The following MAGI2 variants were observed in gnomAD, a reference collection of about 807,000 sequenced individuals.
MAGI2 encodes membrane associated guanylate kinase, WW and PDZ domain containing 2, also known as membrane-associated guanylate kinase, WW and PDZ domain-containing protein 2.
A neutral mutation model predicts 133.3 loss-of-function variants in MAGI2; 35 were observed. The ratio of observed to expected loss-of-function variants is 0.26; its 90% CI spans 0.20 to 0.35. The LOEUF is 0.35. Ranked by LOEUF, MAGI2 falls within the 10% of genes least tolerant of loss-of-function variation. The pLI, the probability that MAGI2 is intolerant of heterozygous loss-of-function variation, is 1.00. For synonymous variants in MAGI2, 729 were observed against 710.6 expected (o/e 1.03, Z -0.41); for missense variants, 1,636 against 1,863.4 (o/e 0.88, Z 2.25).
At chr7:79,452,878 A>C in intron 1 of MAGI2, 142 bp downstream of exon 1, 3 of 854,774 alleles carry the variant, frequency 3.5e-6, no homozygotes, top group Admixed American at 3.0e-5. Flanking sequence ...GGCGAAACTC[A>C]CTTGCACTGC....
At position 79,375,199 on chromosome 7, in the gene MAGI2, T is replaced by C. The variant is rs112036240; in HGVS notation, c.301+77821A>G. Among the ~76,000 whole-genome samples, 690 of 152,140 alleles carry C rather than the reference T, an allele frequency of 4.5e-3. 3 individuals are homozygous for C. The highest frequency in any genetic ancestry group is 0.015 in the African/African-American group (638 of 41,562). Reference sequence around the variant, plus strand: ...TAATATTTCAGGAAAGCCAAATAAATACCGATTGAGTATAATTTCATTCTG... The same window carrying C: ...TAATATTTCAGGAAAGCCAAATAAACACCGATTGAGTATAATTTCATTCTG... On this transcript the variant is annotated intron_variant, in intron 1 of 21. Transcript: ENST00000354212.
At chr7:79,191,529 T>C (rs1351215114) in intron 1 of MAGI2, among the ~76,000 whole-genome samples, 1 of 147,168 alleles carries the variant, frequency 6.8e-6, no homozygotes, top group African/African-American at 2.5e-5. Flanking sequence ...GTGATCCTCC[T>C]GCCTCAGCCT....
intron 21 of MAGI2, among the ~76,000 whole-genome samples, chr7:78,048,327 T>TC (rs1305764655): frequency 3.9e-5 from 6 of 152,180 alleles, no homozygotes; most frequent in Non-Finnish European, 8.8e-5. Flanking sequence ...AAACAGTGAC[T>TC]CCCCTAGTAC....
chr7:78,428,366 C>A (rs140337000), intron 6 of MAGI2, among the ~76,000 whole-genome samples: 1 of 152,156 alleles, frequency 6.6e-6, no homozygotes, highest in East Asian at 1.9e-4. Flanking sequence ...TTGTTAAATG[C>A]AAATGTTTAT....
intron 1 of MAGI2, among the ~76,000 whole-genome samples, chr7:79,135,993 A>G (rs1313483631): frequency 4.0e-5 from 2 of 49,596 alleles, no homozygotes; most frequent in Non-Finnish European, 5.6e-5. Context: ...GAAAGAAAGA[A>G]AGAAAGAAAG....
At chr7:78,809,595 T>C (rs1788868417) in intron 2 of MAGI2, among the ~76,000 whole-genome samples, 1 of 152,262 alleles carries the variant, frequency 6.6e-6, no homozygotes, top group African/African-American at 2.4e-5. Context: ...CAGCTTTATC[T>C]GTAATGAAGG....
intron 2 of MAGI2, among the ~76,000 whole-genome samples, chr7:78,638,400 C>T (rs1809905659): frequency 6.6e-6 from 1 of 152,218 alleles, no homozygotes; most frequent in South Asian, 2.1e-4. Context: ...TCCATTCCTT[C>T]ACACCAAAGT....
intron 2 of MAGI2, among the ~76,000 whole-genome samples, chr7:78,945,350 C>T (rs1801333561): frequency 6.6e-6 from 1 of 152,124 alleles, no homozygotes; most frequent in African/African-American, 2.4e-5. Context: ...TGTGAGCTGC[C>T]ACGCCTGGCC....
intron 1 of MAGI2, among the ~76,000 whole-genome samples, chr7:79,130,613 T>C (rs1820847983): frequency 6.6e-6 from 1 of 152,148 alleles, no homozygotes; most frequent in Admixed American, 6.5e-5. Flanking sequence ...GTCTCCTCAT[T>C]TGTAAGATGA....
intron 1 of MAGI2, among the ~76,000 whole-genome samples, chr7:79,106,810 T>C (rs902509705): frequency 6.6e-6 from 1 of 152,238 alleles, no homozygotes; most frequent in African/African-American, 2.4e-5. Flanking sequence ...CTACACTTTT[T>C]GGTTTCATGT....
At chr7:79,043,105 C>T (rs774222126) in intron 1 of MAGI2, among the ~76,000 whole-genome samples, 5 of 151,974 alleles carry the variant, frequency 3.3e-5, no homozygotes, top group Non-Finnish European at 5.9e-5. Context: ...AAGTTTATAG[C>T]ACTGAACACC....
chr7:78,296,896 C>T (rs947492334), intron 9 of MAGI2, among the ~76,000 whole-genome samples: 2 of 152,158 alleles, frequency 1.3e-5, no homozygotes, highest in African/African-American at 2.4e-5. Context: ...CAGTTAGGTA[C>T]GTTTACACAA....
intron 2 of MAGI2, among the ~76,000 whole-genome samples, chr7:78,682,230 T>C (rs765350110): frequency 2.0e-5 from 3 of 152,136 alleles, no homozygotes; most frequent in African/African-American, 4.8e-5. Flanking sequence ...ATGCTTAAAC[T>C]TCCCCTTGTA....
chr7:78,897,558 G>A (rs2151585147), intron 2 of MAGI2, among the ~76,000 whole-genome samples: 1 of 152,264 alleles, frequency 6.6e-6, no homozygotes, highest in South Asian at 2.1e-4. Flanking sequence ...TAAAATCAAA[G>A]TATCATAATT....
At chr7:78,726,820 A>G (rs116582555) in intron 2 of MAGI2, among the ~76,000 whole-genome samples, 2,611 of 152,342 alleles carry the variant, frequency 0.017, 65 homozygotes, top group African/African-American at 0.06. Flanking sequence ...ATATGTAGCA[A>G]AAATAGTTGA....
chr7:78,558,175 TAAAC>T (rs1183495955), intron 3 of MAGI2, among the ~76,000 whole-genome samples: 2 of 152,200 alleles, frequency 1.3e-5, no homozygotes, highest in African/African-American at 2.4e-5. Context: ...TGCTATGAAA[TAAAC>T]AAAGTTTCTC....
At chr7:79,267,389 T>C (rs1435012508) in intron 1 of MAGI2, among the ~76,000 whole-genome samples, 1 of 152,154 alleles carries the variant, frequency 6.6e-6, no homozygotes, top group Non-Finnish European at 1.5e-5. Context: ...TGACCCAGCC[T>C]CTTGCCCACT....
intron 1 of MAGI2, among the ~76,000 whole-genome samples, chr7:79,443,660 T>C (rs186734428): frequency 1.3e-5 from 2 of 152,192 alleles, no homozygotes; most frequent in African/African-American, 4.8e-5. Context: ...TGTTTTTGTA[T>C]TATTTTTACT....
At chr7:78,490,748 T>G (rs746746875) in intron 5 of MAGI2, among the ~76,000 whole-genome samples, 9 of 152,142 alleles carry the variant, frequency 5.9e-5, no homozygotes, top group Admixed American at 5.2e-4. Context: ...GAACCACTCA[T>G]GGCTCACATA....
Sources: allele counts gnomAD v4.1 joint callset (sites outside exome capture counted in the v4.1 genomes callset), GRCh38; gene constraint gnomAD v4.1.1; transcripts MANE v1.5; gene names NCBI Gene and HGNC (gene_info 2026-07-23, HGNC 2026-07-21).